The following DNMT3A variants were observed in gnomAD, a reference collection of about 807,000 sequenced individuals.
DNMT3A encodes DNA methyltransferase 3 alpha, also known as DNA (cytosine-5)-methyltransferase 3A.
Under a neutral mutation model 117.6 loss-of-function variants are expected in DNMT3A, and 267 were observed. The observed-to-expected ratio is 2.27, with a 90% CI of 2.05 to 2.51. DNMT3A has a LOEUF of 2.51. Ranked by LOEUF, DNMT3A falls within the 30% of genes most tolerant of loss-of-function variation. The pLI, the probability that DNMT3A is intolerant of heterozygous loss-of-function variation, is 0.00. For synonymous variants in DNMT3A, 432 were observed against 474.8 expected (o/e 0.91, Z 1.17); for missense variants, 1,029 against 1,260.2 (o/e 0.82, Z 2.78).
chr2:25,270,076 G>T (rs1333514010), intron 6 of DNMT3A, among the ~76,000 whole-genome samples: 1 of 152,134 alleles, frequency 6.6e-6, no homozygotes, highest in African/African-American at 2.4e-5. Context: ...CCTCCTTCTG[G>T]CCCCTGCCCC....
rs1175186554 is a variant in DNMT3A at position 25,264,132 on chromosome 2, G to GTTTTTTTTTTT, written c.639+10798_639+10808dup. The stretch of plus-strand genomic sequence containing the variant: ...TCAGTAAAGGCTGGACAACCCTTTG[G>GTTTTTTTTTTT]TTTTTTTTTTTTTTTTTTTTTTTTT... On this transcript the variant is annotated intron_variant, in intron 6 of 22. Transcript: ENST00000321117. 5.3e-3 allele frequency among the ~76,000 whole-genome samples: 391 copies of GTTTTTTTTTTT among 73,754 alleles called. 79 individuals carry two copies. Among genetic ancestry groups the GTTTTTTTTTTT allele is most frequent in the African/African-American group, 0.018 (321 of 18,118 alleles). The allele number at this position is 73,754 out of a possible 152,430, so 48.4% of individuals were successfully genotyped here. A position where few individuals can be genotyped will look rare whatever the true frequency, so the allele number is the denominator to read the frequency against.
intron 6 of DNMT3A, among the ~76,000 whole-genome samples, chr2:25,261,621 A>G (rs952751211): frequency 7.3e-6 from 1 of 137,452 alleles, no homozygotes; most frequent in Non-Finnish European, 1.6e-5. Context: ...AAAAAAAAAA[A>G]CCATAAATAA....
chr2:25,278,001 TCACACACACACACACACACACA>T lies in DNMT3A; in HGVS notation c.449-2480_449-2459del, dbSNP rs71397475. 4.5e-3 allele frequency among the ~76,000 whole-genome samples: 404 copies of T among 90,554 alleles called. 4 individuals carry two copies. Among genetic ancestry groups the T allele is most frequent in the Non-Finnish European group, 5.8e-3 (238 of 41,150 alleles). 59.4% of individuals were successfully genotyped at this position (90,554 alleles called of 152,430 possible). On this transcript the variant is annotated intron_variant, in intron 4 of 22. Coordinates refer to ENST00000321117, the MANE Select transcript of DNMT3A (RefSeq NM_022552.5). ...ACTCTGCGCATGCCCACTTGAGTGA[TCACACACACACACACACACACA>T]CACACACACACACACAGACACACAC...
chr2:25,294,473 A>G lies in DNMT3A; in HGVS notation c.177+5666T>C, dbSNP rs1344841. 5.7e-3 allele frequency among the ~76,000 whole-genome samples: 873 copies of G among 152,262 alleles called. 37 individuals are homozygous for G. The East Asian group carries it at 0.091, about 16-fold the overall frequency. On this transcript the variant is annotated intron_variant, in intron 3 of 22. Coordinates refer to ENST00000321117, the MANE Select transcript of DNMT3A (RefSeq NM_022552.5). This position sits in a 1 kb window ranked among gnomAD's most constrained non-coding sequence, Gnocchi z 4.7. Reference sequence around the variant, plus strand: ...AAAAGCCACCTCTAGGGGTGGGCCAAGGGCTGCAGCCCAGGAGTGGGAGAC... The same window carrying G: ...AAAAGCCACCTCTAGGGGTGGGCCAGGGGCTGCAGCCCAGGAGTGGGAGAC...
rs563727664 is a variant in DNMT3A, at chr2:25,337,395, G to A, written c.-178+4431C>T. Among the ~76,000 whole-genome samples the A allele has an allele frequency of 2.5e-4, 38 of 152,286 alleles. No homozygotes were observed. Among genetic ancestry groups the A allele is most frequent in the Non-Finnish European group, 5.0e-4 (34 of 68,026 alleles). ...AGACACAGCTAACAGGAGGGCTCCC[G>A]CTCCTCTAAGGCTGTAACGCACATG... On this transcript the variant is annotated intron_variant, in intron 1 of 22. Transcript: ENST00000321117. The surrounding 1 kb of genome is among the most constrained non-coding windows in gnomAD (Gnocchi z 5.0).
chr2:25,300,717 ATATATAT>A (rs1234346501), intron 2 of DNMT3A, among the ~76,000 whole-genome samples: 11 of 3,880 alleles, frequency 2.8e-3, no homozygotes, highest in South Asian at 6.7e-3. Flanking sequence ...AATATAATAT[ATATATAT>A]ATATATATAT....
At chr2:25,313,328 T>A (rs2034216214) in intron 2 of DNMT3A, among the ~76,000 whole-genome samples, 2 of 133,698 alleles carry the variant, frequency 1.5e-5, no homozygotes, top group African/African-American at 5.6e-5. Flanking sequence ...ATACCAAAGA[T>A]AACCCAGCGA....
At position 25,243,671 on chromosome 2, in the gene DNMT3A, G is replaced by A. The variant is rs1312892914; in HGVS notation, c.1936+227C>T. Among the ~76,000 whole-genome samples the A allele has an allele frequency of 5.3e-5, 8 of 152,314 alleles. No individual in the cohort carries two copies. The South Asian group carries it at 1.5e-3, about 28-fold the overall frequency. On this transcript the variant is annotated intron_variant, in intron 16 of 22. Coordinates refer to ENST00000321117, the MANE Select transcript of DNMT3A (RefSeq NM_022552.5). ...GCTGAATCTTCCTTACTAAGGAAGC[G>A]CCCAGCAGGCAGGCTGCTTTACCAC...
rs6749806 is a variant in DNMT3A at position 25,231,084 on chromosome 2, T to C, written c.*3195A>G. Reference sequence around the variant, plus strand: ...GGCTAACTGTCACTAAGCAGTGGCTTGGGAGAGCCTGAGCCTTAGAAGACT... The same window carrying C: ...GGCTAACTGTCACTAAGCAGTGGCTCGGGAGAGCCTGAGCCTTAGAAGACT... On this transcript the variant is annotated 3_prime_UTR_variant, in exon 23 of 23. Coordinates refer to ENST00000321117, the MANE Select transcript of DNMT3A (RefSeq NM_022552.5). 9 of 152,328 alleles carry C rather than the reference T, an allele frequency of 5.9e-5. No individual in the cohort carries two copies. The highest frequency in any genetic ancestry group is 2.1e-4 in the South Asian group (1 of 4,838). The allele number at this position is 152,328 out of a possible 1,614,324, so 9.4% of individuals were successfully genotyped here. A position where few individuals can be genotyped will look rare whatever the true frequency, so the allele number is the denominator to read the frequency against.
At chr2:25,283,984 C>T (rs938017467) in intron 3 of DNMT3A, among the ~76,000 whole-genome samples, 3 of 152,196 alleles carry the variant, frequency 2.0e-5, no homozygotes, top group African/African-American at 7.2e-5. Context: ...GCTGTGTGCT[C>T]TGCTGTGTAT....
At chr2:25,341,124 TCC>T (rs1491413803) in intron 1 of DNMT3A, among the ~76,000 whole-genome samples, 2 of 139,466 alleles carry the variant, frequency 1.4e-5, no homozygotes, top group African/African-American at 5.2e-5. Flanking sequence ...GGCGCGGCGC[TCC>T]CCGGCCCGGC....
At chr2:25,279,252 A>G (rs890655431) in intron 4 of DNMT3A, among the ~76,000 whole-genome samples, 3 of 152,198 alleles carry the variant, frequency 2.0e-5, no homozygotes, top group Non-Finnish European at 4.4e-5. Flanking sequence ...CTTTCAGCAC[A>G]TGCTCAGGCT....
chr2:25,336,589 G>A (rs1427719854), intron 1 of DNMT3A, among the ~76,000 whole-genome samples: 2 of 152,012 alleles, frequency 1.3e-5, no homozygotes, highest in Non-Finnish European at 2.9e-5. Flanking sequence ...ATCAGGATCC[G>A]ACACCAAATG....
At chr2:25,317,411 G>A (rs76050618) in intron 1 of DNMT3A, among the ~76,000 whole-genome samples, 1 of 152,162 alleles carries the variant, frequency 6.6e-6, no homozygotes, top group Non-Finnish European at 1.5e-5. Flanking sequence ...AACAAGAGAA[G>A]GAATACCACC....
At chr2:25,272,217 C>T (rs1431044767) in intron 6 of DNMT3A, among the ~76,000 whole-genome samples, 1 of 152,224 alleles carries the variant, frequency 6.6e-6, no homozygotes, top group Non-Finnish European at 1.5e-5. Context: ...AAACTCCTGA[C>T]CTAAGGTGAT....
In DNMT3A at chr2:25,311,142, G is replaced by A. The variant is rs1421803847; in HGVS notation, c.72+2771C>T. Among the ~76,000 whole-genome samples, 1 of 150,972 alleles carries A rather than the reference G, an allele frequency of 6.6e-6. No homozygotes were observed. Among genetic ancestry groups the A allele is most frequent in the Admixed American group, 6.6e-5 (1 of 15,202 alleles). On this transcript the variant is annotated intron_variant, in intron 2 of 22. Transcript: ENST00000321117. This position sits in a 1 kb window ranked among gnomAD's most constrained non-coding sequence, Gnocchi z 5.2. Reference sequence around the variant, plus strand: ...GGGGCTGGGGGCGGGGGCGGGGAGGGGGGGCGGCGGTGGGCAGAGGCTAGA... The same window carrying A: ...GGGGCTGGGGGCGGGGGCGGGGAGGAGGGGCGGCGGTGGGCAGAGGCTAGA...
chr2:25,322,928 T>C (rs548433486), intron 1 of DNMT3A, among the ~76,000 whole-genome samples: 2 of 152,166 alleles, frequency 1.3e-5, no homozygotes, highest in Admixed American at 6.5e-5. Flanking sequence ...CTGAAAAATA[T>C]CTGACCATTT....
upstream of DNMT3A, among the ~76,000 whole-genome samples, chr2:25,342,140 C>T (rs2035488551): frequency 7.0e-6 from 1 of 143,402 alleles, no homozygotes; most frequent in Non-Finnish European, 1.5e-5. This position sits in a 1 kb window ranked among gnomAD's most constrained non-coding sequence, Gnocchi z 5.9. Flanking sequence ...CCCGGCGCTG[C>T]GGAGCCGGCC....
chr2:25,301,873 AT>A (rs1445034455), intron 2 of DNMT3A, among the ~76,000 whole-genome samples: 2 of 152,186 alleles, frequency 1.3e-5, no homozygotes, highest in African/African-American at 4.8e-5. Flanking sequence ...CCTGAGTAAG[AT>A]GGCCCTCAAC....
Sources: gnomAD v4.1 joint callset for allele counts (sites outside exome capture counted in the v4.1 genomes callset) on GRCh38, gnomAD v4.1.1 for gene constraint, Gnocchi (gnomAD v3.1) non-coding constraint, MANE v1.5 for transcripts, NCBI Gene and HGNC (gene_info 2026-07-23, HGNC 2026-07-21) for gene names.